The following LRRC4C variants were observed in gnomAD, a reference collection of about 807,000 sequenced individuals.
The protein encoded by LRRC4C is leucine rich repeat containing 4C.
LRRC4C carries 5 observed loss-of-function variants against 33.6 expected under a neutral mutation model. The observed-to-expected ratio is 0.15, with a 90% confidence interval of 0.08 to 0.31. The LOEUF (loss-of-function observed/expected upper bound fraction) is 0.31, where lower values mean the gene tolerates loss of function less well. Among genes scored for constraint, LRRC4C ranks in the 10% least tolerant of loss-of-function variants. The pLI, the probability that LRRC4C is intolerant of heterozygous loss-of-function variation, is 1.00. For missense variants in LRRC4C, 560 were observed against 796.7 expected, an observed-to-expected ratio of 0.70 and a Z score of 3.58; for synonymous variants, 329 against 302.0, an observed-to-expected ratio of 1.09 and a Z score of -0.93.
At chr11:41,171,292 G>GAC (rs961412010) in intron 1 of LRRC4C, among the ~76,000 whole-genome samples, 22 of 151,856 alleles carry the variant, frequency 1.4e-4, no homozygotes, top group South Asian at 4.2e-4. Context: ...CTGCTTTAAA[G>GAC]ACACACACAC....
At chr11:41,046,596 G>A (rs1255461313) in intron 1 of LRRC4C, among the ~76,000 whole-genome samples, 1 of 152,118 alleles carries the variant, frequency 6.6e-6, no homozygotes, top group Non-Finnish European at 1.5e-5. Context: ...CTCGCTTACT[G>A]TTATTTCTAA....
chr11:40,411,221 A>C (rs1950144570), intron 3 of LRRC4C, among the ~76,000 whole-genome samples: 1 of 152,094 alleles, frequency 6.6e-6, no homozygotes, highest in African/African-American at 2.4e-5. Flanking sequence ...AAAAGATAAC[A>C]AAATGTGTGG....
intron 2 of LRRC4C, among the ~76,000 whole-genome samples, chr11:40,752,280 C>A (rs1948729478): frequency 6.6e-6 from 1 of 151,916 alleles, no homozygotes; most frequent in Non-Finnish European, 1.5e-5. Flanking sequence ...TTCTACACAG[C>A]AAAGGAAACA....
At chr11:40,775,632 A>G (rs1245633633) in intron 2 of LRRC4C, among the ~76,000 whole-genome samples, 1 of 152,216 alleles carries the variant, frequency 6.6e-6, no homozygotes, top group Non-Finnish European at 1.5e-5. Context: ...GATTTTGTAT[A>G]CTAAACTTAC....
chr11:40,657,456 G>T, intron 2 of LRRC4C, among the ~76,000 whole-genome samples: 1 of 152,062 alleles, frequency 6.6e-6, no homozygotes, highest in Non-Finnish European at 1.5e-5. Context: ...AAAACTCAAG[G>T]TGGAAACTGC....
At chr11:40,759,378 G>A (rs931896820) in intron 2 of LRRC4C, among the ~76,000 whole-genome samples, 1 of 149,570 alleles carries the variant, frequency 6.7e-6, no homozygotes, top group African/African-American at 2.4e-5. Flanking sequence ...AAGTGGTTAT[G>A]TGAGTAAAAA....
intron 2 of LRRC4C, among the ~76,000 whole-genome samples, chr11:40,683,215 G>A (rs1356223905): frequency 6.6e-6 from 1 of 152,146 alleles, no homozygotes; most frequent in Non-Finnish European, 1.5e-5. Context: ...CCCTCTTGCT[G>A]GGGACCACTG....
At chr11:41,045,229 A>T (rs574214052) in intron 1 of LRRC4C, among the ~76,000 whole-genome samples, 2 of 151,922 alleles carry the variant, frequency 1.3e-5, no homozygotes, top group Non-Finnish European at 2.9e-5. Context: ...GATTTTTTTC[A>T]TGTTGTTGGT....
At chr11:41,354,223 C>T (rs986662628) in intron 1 of LRRC4C, among the ~76,000 whole-genome samples, 6 of 151,968 alleles carry the variant, frequency 3.9e-5, no homozygotes, top group African/African-American at 1.2e-4. Flanking sequence ...GCATTATACA[C>T]CAATAACATC....
chr11:40,346,809 G>GT (rs1947155770), intron 3 of LRRC4C, among the ~76,000 whole-genome samples: 3 of 152,116 alleles, frequency 2.0e-5, no homozygotes, highest in Non-Finnish European at 2.9e-5. Flanking sequence ...TATAAAAATC[G>GT]TTTTTTGTTT....
chr11:41,337,655 A>G (rs1951499735), intron 1 of LRRC4C, among the ~76,000 whole-genome samples: 1 of 152,216 alleles, frequency 6.6e-6, no homozygotes. Context: ...AAAGGCCAAA[A>G]GCAATTGTAA....
intron 1 of LRRC4C, among the ~76,000 whole-genome samples, chr11:40,960,814 G>C (rs1320636529): frequency 4.6e-5 from 7 of 151,722 alleles, no homozygotes; most frequent in Admixed American, 4.6e-4. Flanking sequence ...AAGGCTGTCA[G>C]TGGGTGCTGC....
At chr11:40,716,352 A>G (rs1009015270) in intron 2 of LRRC4C, among the ~76,000 whole-genome samples, 1 of 152,138 alleles carries the variant, frequency 6.6e-6, no homozygotes, top group African/African-American at 2.4e-5. Context: ...TTAAAAAATA[A>G]TAAATATTTT....
intron 1 of LRRC4C, among the ~76,000 whole-genome samples, chr11:41,002,786 C>A (rs527287682): frequency 4.6e-5 from 7 of 152,128 alleles, no homozygotes; most frequent in Admixed American, 4.6e-4. Context: ...GTATGACAGC[C>A]ACATGGTAGT....
intron 1 of LRRC4C, among the ~76,000 whole-genome samples, chr11:40,934,033 G>C (rs1356267870): frequency 1.3e-5 from 2 of 152,098 alleles, no homozygotes; most frequent in African/African-American, 2.4e-5. Flanking sequence ...AGGAAAAAAG[G>C]CATATCTGGT....
At chr11:41,403,306 A>G (rs1415356871) in intron 1 of LRRC4C, among the ~76,000 whole-genome samples, 1 of 152,098 alleles carries the variant, frequency 6.6e-6, no homozygotes, top group Non-Finnish European at 1.5e-5. Context: ...GTACTTTCCA[A>G]TTGTCTGAAC....
rs549763604 is a variant in LRRC4C at position 40,591,434 on chromosome 11, G to A, written c.-270+56708C>T. The stretch of plus-strand genomic sequence containing the variant: ...TCAGATGGAAATGCAGAAATCACCC[G>A]TCTTCTGCATCACTCACGCTGGGAG... On this transcript the variant is annotated intron_variant, in intron 3 of 6. Transcript: ENST00000528697. 3.9e-5 allele frequency among the ~76,000 whole-genome samples: 6 copies of A among 152,208 alleles called. No homozygotes were observed. In the South Asian group the frequency reaches 6.2e-4, roughly 16 times the overall value.
At chr11:40,421,977 C>T (rs1395190014) in intron 3 of LRRC4C, among the ~76,000 whole-genome samples, 4 of 152,242 alleles carry the variant, frequency 2.6e-5, no homozygotes. Flanking sequence ...TACCCCAAAG[C>T]AAGCCCACTG....
intron 5 of LRRC4C, among the ~76,000 whole-genome samples, chr11:40,168,335 G>A (rs1350500722): frequency 6.6e-6 from 1 of 152,150 alleles, no homozygotes; most frequent in Non-Finnish European, 1.5e-5. Context: ...AAGAAAAGGG[G>A]TTCTGGGTAG....
Sources: gnomAD v4.1 joint callset for allele counts (sites outside exome capture counted in the v4.1 genomes callset) on GRCh38, gnomAD v4.1.1 for gene constraint, MANE v1.5 for transcripts, NCBI Gene and HGNC (gene_info 2026-07-23, HGNC 2026-07-21) for gene names.